RPTOR: variants seen among roughly 807,000 people sequenced by gnomAD.
The protein encoded by RPTOR is regulatory-associated protein of mTOR.
In RPTOR, 21 loss-of-function variants were observed where a neutral mutation model predicts 169.9. That is an observed-to-expected ratio of 0.12 (90% CI 0.09 to 0.18). RPTOR has a LOEUF of 0.18. Among genes scored for constraint, RPTOR ranks in the 10% least tolerant of loss-of-function variants. The pLI, the probability that RPTOR is intolerant of heterozygous loss-of-function variation, is 1.00. For missense variants in RPTOR, 1,133 were observed against 1,855.9 expected (o/e 0.61, Z 7.16); for synonymous variants, 732 against 753.2 (o/e 0.97, Z 0.46).
intron 25 of RPTOR, among the ~76,000 whole-genome samples, chr17:80,943,956 G>A (rs1204803029): frequency 6.6e-6 from 1 of 152,240 alleles, no homozygotes; most frequent in Non-Finnish European, 1.5e-5. Flanking sequence ...AAGGCCAGGA[G>A]GCAGCCCAGC....
At chr17:80,724,616 C>T (rs1396478382) in intron 4 of RPTOR, among the ~76,000 whole-genome samples, 3 of 152,154 alleles carry the variant, frequency 2.0e-5, no homozygotes, top group Non-Finnish European at 2.9e-5. Flanking sequence ...TTCTCCCATC[C>T]CAACAGTGGT....
chr17:80,902,337 C>A (rs1011686311), intron 20 of RPTOR, among the ~76,000 whole-genome samples: 19 of 152,380 alleles, frequency 1.2e-4, no homozygotes, highest in Admixed American at 9.1e-4. Flanking sequence ...TCAGCAGCAG[C>A]CGCTCCACTG....
rs564121836 is a variant in RPTOR at position 80,680,296 on chromosome 17, G to A, written c.349-27545G>A. Among the ~76,000 whole-genome samples the A allele has an allele frequency of 1.4e-4, 22 of 152,308 alleles. No homozygotes were observed. In the South Asian group the frequency reaches 4.6e-3, roughly 32 times the overall value. ...CCGTTCTAACTGGAATCCTAGAAGA[G>A]AATGACAGGATGATGGTGCTGTGCC... On this transcript the variant is annotated intron_variant, in intron 3 of 33. Transcript: ENST00000306801.
At chr17:80,589,599 A>G (rs111885594) in intron 1 of RPTOR, among the ~76,000 whole-genome samples, 85 of 152,326 alleles carry the variant, frequency 5.6e-4, no homozygotes, top group African/African-American at 1.9e-3. Flanking sequence ...TTTTTCATGT[A>G]GAAGTTTTTC....
At chr17:80,827,730 C>T (rs1428130607) in intron 9 of RPTOR, among the ~76,000 whole-genome samples, 1 of 152,126 alleles carries the variant, frequency 6.6e-6, no homozygotes, top group Non-Finnish European at 1.5e-5. Context: ...ACCACAGCTC[C>T]CCTGAGGCAC....
intron 17 of RPTOR, among the ~76,000 whole-genome samples, chr17:80,888,062 C>T (rs747171700): frequency 1.1e-4 from 16 of 152,162 alleles, no homozygotes; most frequent in Non-Finnish European, 2.4e-4. Context: ...GGGCTTACTC[C>T]CTCCCTGTCA....
chr17:80,626,004 A>G (rs1414406102), intron 2 of RPTOR, among the ~76,000 whole-genome samples: 1 of 152,190 alleles, frequency 6.6e-6, no homozygotes, highest in Non-Finnish European at 1.5e-5. Context: ...AGAAAAATCA[A>G]TACAGTGATG....
intron 4 of RPTOR, among the ~76,000 whole-genome samples, chr17:80,709,569 C>G (rs764603618): frequency 4.0e-4 from 61 of 152,276 alleles, no homozygotes; most frequent in Admixed American, 3.9e-4. Flanking sequence ...TTCCCACATT[C>G]GCTGTCCCCT....
chr17:80,895,464 T>C (rs2068387020), intron 20 of RPTOR, among the ~76,000 whole-genome samples: 1 of 152,234 alleles, frequency 6.6e-6, no homozygotes, highest in Non-Finnish European at 1.5e-5. Flanking sequence ...CTCTCTCCCC[T>C]GGAGCTTGAG....
At chr17:80,661,636 T>C (rs2065724883) in intron 3 of RPTOR, among the ~76,000 whole-genome samples, 1 of 152,170 alleles carries the variant, frequency 6.6e-6, no homozygotes, top group Non-Finnish European at 1.5e-5. Flanking sequence ...GGCGCTCCTA[T>C]GCACATCTTG....
At chr17:80,907,361 G>A (rs1236756237) in intron 20 of RPTOR, among the ~76,000 whole-genome samples, 5 of 152,224 alleles carry the variant, frequency 3.3e-5, no homozygotes, top group East Asian at 1.9e-4. Context: ...GTCTGCCTCC[G>A]CCTCTGGGTT....
intron 30 of RPTOR, chr17:80,961,133 G>C (rs2069333460): frequency 4.1e-6 from 2 of 484,328 alleles, no homozygotes; most frequent in Non-Finnish European, 7.3e-6. Context: ...ATGTGGCTCA[G>C]ACAGTCCTCC....
chr17:80,760,936 C>A (rs2066731086), intron 6 of RPTOR, among the ~76,000 whole-genome samples: 1 of 152,134 alleles, frequency 6.6e-6, no homozygotes, highest in Non-Finnish European at 1.5e-5. Flanking sequence ...TGGTGGCAAG[C>A]GTATTTATGA....
intron 1 of RPTOR, among the ~76,000 whole-genome samples, chr17:80,604,637 A>G (rs989230863): frequency 1.3e-5 from 2 of 152,216 alleles, no homozygotes; most frequent in Non-Finnish European, 2.9e-5. Context: ...AAGAGGTTTA[A>G]TGGAATCACA....
At position 80,959,942 on chromosome 17, in the gene RPTOR, A is replaced by C; in HGVS notation, c.3478-136A>C. On this transcript the variant is annotated intron_variant, in intron 29 of 33. Coordinates refer to ENST00000306801, the MANE Select transcript of RPTOR (RefSeq NM_020761.3). This position sits in a 1 kb window ranked among gnomAD's most constrained non-coding sequence, Gnocchi z 6.7. ...AGGCCTTTGATGCTTCCCTGGATAGAGAGAAAGGCCCCTGCAGCCAGGGAG... is the reference window on the plus strand; with the variant it reads ...AGGCCTTTGATGCTTCCCTGGATAGCGAGAAAGGCCCCTGCAGCCAGGGAG... 1.9e-6 allele frequency: 2 copies of C among 1,040,896 alleles called. No homozygotes were observed. Among genetic ancestry groups the C allele is most frequent in the Non-Finnish European group, 1.4e-6 (1 of 710,618 alleles). The allele number at this position is 1,040,896 out of a possible 1,614,324, so 64.5% of individuals were successfully genotyped here.
chr17:80,607,316 G>A (rs1482377014), intron 1 of RPTOR, among the ~76,000 whole-genome samples: 1 of 152,104 alleles, frequency 6.6e-6, no homozygotes, highest in Non-Finnish European at 1.5e-5. Context: ...TACAACTGAA[G>A]GTAGTTTTGG....
Position 80,708,824 on chromosome 17 carries a change from G to A in RPTOR, c.507+825G>A, listed in dbSNP as rs902634034. The A allele has an allele frequency of 2.9e-5, 15 of 515,564 alleles. No individual in the cohort carries two copies. In the East Asian group the frequency reaches 8.9e-4, roughly 31 times the overall value. 31.9% of individuals were successfully genotyped at this position (515,564 alleles called of 1,614,324 possible). On this transcript the variant is annotated intron_variant, in intron 4 of 33. Transcript: ENST00000306801. This position sits in a 1 kb window ranked among gnomAD's most constrained non-coding sequence, Gnocchi z 4.2. ...GCGGTGGCCCCATATGTGCCTGAGC[G>A]TGTCTATGAGGGCACTGATTTGGAA...
intron 28 of RPTOR, among the ~76,000 whole-genome samples, chr17:80,949,970 C>A (rs920351356): frequency 2.6e-5 from 4 of 152,256 alleles, no homozygotes; most frequent in Non-Finnish European, 5.9e-5. Flanking sequence ...TGGGGCCTCA[C>A]GCGCTCGCTG....
At chr17:80,930,335 A>AGCTCATCCTCAGCTCATCCTCT (rs2068870909) in intron 24 of RPTOR, among the ~76,000 whole-genome samples, 3 of 133,908 alleles carry the variant, frequency 2.2e-5, no homozygotes, top group Non-Finnish European at 4.6e-5. Context: ...GCTCATCCTC[A>AGCTCATCCTCAGCTCATCCTCT]GCTCATCCTC....
Sources: allele counts gnomAD v4.1 joint callset (sites outside exome capture counted in the v4.1 genomes callset), GRCh38; gene constraint gnomAD v4.1.1; non-coding constraint Gnocchi (gnomAD v3.1); transcripts MANE v1.5; gene names NCBI Gene and HGNC (gene_info 2026-07-23, HGNC 2026-07-21).